Variants in TEX14 observed in about 807,000 individuals in gnomAD.
The protein encoded by TEX14 is testis expressed 14, intercellular bridge forming factor.
In TEX14, 168 loss-of-function variants were observed where a neutral mutation model predicts 178.6. The observed-to-expected ratio is 0.94, with a 90% confidence interval of 0.83 to 1.07. The LOEUF (loss-of-function observed/expected upper bound fraction) is 1.07, where lower values mean the gene tolerates loss of function less well. Ranked by LOEUF, TEX14 falls within the 50% of genes least tolerant of loss-of-function variation. TEX14 has a pLI of 0.00. For missense variants in TEX14, 1,730 were observed against 1,753.6 expected (o/e 0.99, Z 0.24); for synonymous variants, 626 against 634.1 (o/e 0.99, Z 0.19).
intron 26 of TEX14, among the ~76,000 whole-genome samples, chr17:58,567,187 GA>G (rs1418737311): frequency 6.6e-6 from 1 of 152,082 alleles, no homozygotes; most frequent in Non-Finnish European, 1.5e-5. Context: ...AAAAGGAAAG[GA>G]AAGGAAAAAG....
chr17:58,564,815 AC>A, intron 28 of TEX14, 53 bp downstream of exon 28: 2 of 1,152,444 alleles, frequency 1.7e-6, no homozygotes, highest in South Asian at 3.1e-5. Context: ...AAAAAACCTA[AC>A]ATAAACTATA....
chr17:58,691,608 A>G (rs1279142758), intron 1 of TEX14, among the ~76,000 whole-genome samples: 1 of 144,838 alleles, frequency 6.9e-6, no homozygotes, highest in Non-Finnish European at 1.5e-5. Flanking sequence ...CGAAGGTTGC[A>G]GTGAGCCGAC....
intron 1 of TEX14, among the ~76,000 whole-genome samples, chr17:58,657,616 A>G (rs2567911): frequency 0.64 from 95,159 of 149,314 alleles, 30,637 homozygotes; most frequent in African/African-American, 0.71. Flanking sequence ...CGGGGTTCAA[A>G]CAATTGAAAC....
intron 5 of TEX14, 27 bp from the exon 6 acceptor site, chr17:58,617,646 AC>A (rs112805245): frequency 1.9e-6 from 3 of 1,554,636 alleles, no homozygotes; most frequent in Non-Finnish European, 1.8e-6. Flanking sequence ...CAGGAAAAAA[AC>A]CTCAGAATTA....
At chr17:58,687,911 C>T (rs190236414) in intron 1 of TEX14, among the ~76,000 whole-genome samples, 59 of 152,234 alleles carry the variant, frequency 3.9e-4, no homozygotes, top group Middle Eastern at 3.4e-3. Flanking sequence ...ATTATAAGCT[C>T]CATGAGGGCA....
chr17:58,690,444 G>A lies in TEX14; in HGVS notation c.-2+1495C>T, dbSNP rs555272690. Among the ~76,000 whole-genome samples, 3 of 152,286 alleles carry A rather than the reference G, an allele frequency of 2.0e-5. No individual in the cohort carries two copies. The South Asian group carries it at 6.2e-4, about 32-fold the overall frequency. On this transcript the variant is annotated intron_variant, in intron 1 of 31. Coordinates refer to ENST00000349033, the MANE Select transcript of TEX14 (RefSeq NM_031272.5). The stretch of plus-strand genomic sequence containing the variant: ...GCCTCCCAAAGTGCTTGGATTCCAG[G>A]CTTAAGCCACTGTGCCAGGCCAAAG...
chr17:58,608,413 T>C (rs1402787004), intron 10 of TEX14, among the ~76,000 whole-genome samples: 2 of 144,736 alleles, frequency 1.4e-5, no homozygotes, highest in Non-Finnish European at 3.0e-5. Context: ...CGAGACTCCA[T>C]CTCAAAAAAA....
At chr17:58,651,791 T>G in intron 2 of TEX14, 75 bp downstream of exon 2, 25 of 1,392,964 alleles carry the variant, frequency 1.8e-5, no homozygotes, top group Non-Finnish European at 2.3e-5. Context: ...CATACCTTTA[T>G]GACATTCCTT....
intron 1 of TEX14, chr17:58,659,409 G>C (rs1368951966): frequency 9.2e-6 from 7 of 760,598 alleles, no homozygotes; most frequent in Non-Finnish European, 1.1e-5. Context: ...CGAAACTACC[G>C]CTTCTTCGTA....
chr17:58,650,359 C>T (rs1480910175), intron 2 of TEX14, among the ~76,000 whole-genome samples: 1 of 152,048 alleles, frequency 6.6e-6, no homozygotes, highest in Non-Finnish European at 1.5e-5. Flanking sequence ...GCCCAAGAAG[C>T]AGAGTTTTAC....
In TEX14 at chr17:58,599,511, T is replaced by C; in HGVS notation, c.1834A>G (p.Thr612Ala). 6.2e-7 allele frequency: 1 copy of C among 1,614,046 alleles called. No homozygotes were observed. The highest frequency in any genetic ancestry group is 1.1e-5 in the South Asian group (1 of 91,084). The change falls in exon 14 of 32, where the codon ACA becomes GCA. Residue 612 changes from threonine (T) to alanine (A), a missense_variant. Around this residue, in one of 2 missense-constraint regions of TEX14, gnomAD observed 941 missense variants for 1,072.4 expected, o/e 0.88. Coordinates refer to ENST00000349033, the MANE Select transcript of TEX14 (RefSeq NM_031272.5). ...FMAEEASSPSTGQPSLCSFEI... is the reference protein window; with the variant it reads ...FMAEEASSPSAGQPSLCSFEI... ...AAACTGCAGAGGCTTGGCTGACCTG[T>C]GCTGGGGCTGCTGGCCTCTTCTGCC...
At chr17:58,573,083 C>G in intron 23 of TEX14, 98 bp downstream of exon 23, 1 of 1,512,822 alleles carries the variant, frequency 6.6e-7, no homozygotes, top group Non-Finnish European at 8.9e-7. Context: ...ACTATGACAA[C>G]ACAGCCACCA....
At chr17:58,674,799 G>GT (rs1418480359) in intron 1 of TEX14, among the ~76,000 whole-genome samples, 11 of 141,692 alleles carry the variant, frequency 7.8e-5, no homozygotes, top group Non-Finnish European at 1.1e-4. Flanking sequence ...CAATAAAGTG[G>GT]TTAAAAAAAA....
Position 58,621,986 on chromosome 17 carries a change from C to T in TEX14, c.418-200G>A, listed in dbSNP as rs2046008815. Among the ~76,000 whole-genome samples, 6 of 152,174 alleles carry T rather than the reference C, an allele frequency of 3.9e-5. No individual in the cohort carries two copies. The South Asian group carries it at 8.3e-4, about 21-fold the overall frequency. On this transcript the variant is annotated intron_variant, in intron 4 of 31. Transcript: ENST00000349033. ...TAGGGAAACAATTTCCTCCAACTCC[C>T]TCCTTCAACAGATGAGGAAACCAAG...
intron 1 of TEX14, among the ~76,000 whole-genome samples, chr17:58,686,863 T>A (rs1192090237): frequency 3.8e-5 from 1 of 26,000 alleles, no homozygotes; most frequent in East Asian, 8.9e-4. Context: ...AAGGTCACCT[T>A]TTTTTTTTTT....
At position 58,616,222 on chromosome 17, in the gene TEX14, A is replaced by C; in HGVS notation, c.720T>G (p.Asp240Glu). The part of the protein sequence containing the change: ...IGEKEVIQAD[D>E]EPTFSFFSGP... ...CGCTGAAGAAAGAGAAGGTGGGCTC[A>C]TCATCAGCTTGAATCACTTCCTTTT... The change falls in exon 7 of 32, where the codon GAT becomes GAG. Residue 240 changes from aspartate (D) to glutamate (E), a missense_variant. Transcript: ENST00000349033. The C allele has an allele frequency of 6.2e-7, 1 of 1,614,090 alleles. No individual in the cohort carries two copies. The highest frequency in any genetic ancestry group is 8.5e-7 in the Non-Finnish European group (1 of 1,179,970).
At chr17:58,645,771 T>C (rs1343055027) in intron 2 of TEX14, among the ~76,000 whole-genome samples, 1 of 152,236 alleles carries the variant, frequency 6.6e-6, no homozygotes, top group Non-Finnish European at 1.5e-5. Context: ...AAGTTAAAGA[T>C]ATAGACAGTC....
At chr17:58,635,412 C>T (rs1038610115) in intron 2 of TEX14, among the ~76,000 whole-genome samples, 1 of 151,076 alleles carries the variant, frequency 6.6e-6, no homozygotes, top group Admixed American at 6.6e-5. Flanking sequence ...CAACCAAGGC[C>T]TCCAAGGGCT....
In TEX14 at chr17:58,658,665, A is replaced by G. The variant is rs1466880206; in HGVS notation, c.-1-6663T>C. Among the ~76,000 whole-genome samples, 4 of 152,236 alleles carry G rather than the reference A, an allele frequency of 2.6e-5. No individual in the cohort carries two copies. The East Asian group carries it at 7.7e-4, about 29-fold the overall frequency. On this transcript the variant is annotated intron_variant, in intron 1 of 31. Coordinates refer to ENST00000349033, the MANE Select transcript of TEX14 (RefSeq NM_031272.5). Reference sequence around the variant, plus strand: ...CTCGGCCTCCCAAAGTGCTGGGTTTACAGGCTTTAGCCACCCTCAGCAATT... The same window carrying G: ...CTCGGCCTCCCAAAGTGCTGGGTTTGCAGGCTTTAGCCACCCTCAGCAATT...
Sources: allele counts gnomAD v4.1 joint callset (sites outside exome capture counted in the v4.1 genomes callset), GRCh38; gene constraint gnomAD v4.1.1; regional missense constraint gnomAD v4.1.1; transcripts MANE v1.5; gene names NCBI Gene and HGNC (gene_info 2026-07-23, HGNC 2026-07-21).